CAMK2G: variants seen among roughly 807,000 people sequenced by gnomAD.
CAMK2G encodes calcium/calmodulin-dependent protein kinase type II subunit gamma.
Under a neutral mutation model 88.7 loss-of-function variants are expected in CAMK2G, and 23 were observed. The observed-to-expected ratio is 0.26, with a 90% CI of 0.19 to 0.37. The LOEUF is 0.37. CAMK2G is among the 10% of genes least tolerant of loss of function. CAMK2G has a pLI of 1.00. For missense variants in CAMK2G, 476 were observed against 780.8 expected (o/e 0.61, Z 4.65); for synonymous variants, 263 against 294.8 (o/e 0.89, Z 1.11).
At chr10:73,816,055 G>A in intron 21 of CAMK2G, 1 of 985,428 alleles carries the variant, frequency 1.0e-6, no homozygotes, top group East Asian at 1.1e-4. Context: ...AGCCAGCGGA[G>A]AAGTTAGTGA....
In CAMK2G at chr10:73,857,771, C is replaced by T. The variant is rs1384276764; in HGVS notation, c.220+3059G>A. On this transcript the variant is annotated intron_variant, in intron 3 of 22. Transcript: ENST00000423381. ...ACCTCAGACCTCACACCAGCGTCTC[C>T]TCCTCTCAACTCCCCACCACTGGCC... 2.6e-5 allele frequency among the ~76,000 whole-genome samples: 4 copies of T among 152,266 alleles called. No individual in the cohort carries two copies. In the East Asian group the frequency reaches 7.7e-4, roughly 29 times the overall value.
chr10:73,874,081 TG>T (rs2095979280), intron 1 of CAMK2G, among the ~76,000 whole-genome samples: 1 of 38,958 alleles, frequency 2.6e-5, no homozygotes, highest in African/African-American at 1.0e-4. Flanking sequence ...CGGGCAGCGT[TG>T]GGAGGTGGTC....
At chr10:73,865,431 C>T (rs1466167538) in intron 2 of CAMK2G, among the ~76,000 whole-genome samples, 3 of 152,210 alleles carry the variant, frequency 2.0e-5, no homozygotes. Context: ...CTACCTGCCC[C>T]GCTCTCCCCG....
chr10:73,855,030 G>A (rs569962153), intron 3 of CAMK2G, among the ~76,000 whole-genome samples: 39 of 152,052 alleles, frequency 2.6e-4, no homozygotes, highest in Admixed American at 9.2e-4. Context: ...TTCTCTCCTG[G>A]GCAAAGAAGA....
intron 14 of CAMK2G, among the ~76,000 whole-genome samples, chr10:73,832,309 C>CTTTT (rs61170350): frequency 1.3e-5 from 2 of 148,494 alleles, no homozygotes; most frequent in Non-Finnish European, 1.5e-5. Flanking sequence ...GTATGTACTC[C>CTTTT]TTTTTTTTTT....
chr10:73,825,189 G>A lies in CAMK2G; in HGVS notation c.1155+90C>T, dbSNP rs2090494023. Reference sequence around the variant, plus strand: ...TGGGGACCAAGAAAGGAACAGGCCAGGAGGCCAGGGAGGGGGCACAAGAGG... The same window carrying A: ...TGGGGACCAAGAAAGGAACAGGCCAAGAGGCCAGGGAGGGGGCACAAGAGG... On this transcript the variant is annotated intron_variant, in intron 16 of 22. Transcript: ENST00000423381. 2 of 904,238 alleles carry A rather than the reference G, an allele frequency of 2.2e-6. 1 individual carries two copies. The highest frequency in any genetic ancestry group is 2.6e-5 in the South Asian group (2 of 76,304). 56.0% of individuals were successfully genotyped at this position (904,238 alleles called of 1,614,324 possible).
At chr10:73,851,466 CAG>C (rs957329384) in intron 5 of CAMK2G, among the ~76,000 whole-genome samples, 2 of 152,130 alleles carry the variant, frequency 1.3e-5, no homozygotes, top group Non-Finnish European at 2.9e-5. Context: ...GACAAGGTGA[CAG>C]AGGCTGAAAG....
intron 1 of CAMK2G, 146 bp from the exon 2 acceptor site, chr10:73,873,229 A>G: frequency 1.0e-6 from 1 of 988,154 alleles, no homozygotes; most frequent in South Asian, 1.4e-5. Context: ...TGTGACCACC[A>G]CCATCCAACA....
At chr10:73,849,408 AGACTAAGGCATG>A in intron 5 of CAMK2G, 75 bp from the exon 6 acceptor site, 2 of 1,049,722 alleles carry the variant, frequency 1.9e-6, no homozygotes, top group Non-Finnish European at 2.9e-6. Context: ...CACATGCTGC[AGACTAAGGCATG>A]TGACAAGGGG....
At chr10:73,843,099 G>A (rs543556625) in intron 10 of CAMK2G, among the ~76,000 whole-genome samples, 2 of 149,974 alleles carry the variant, frequency 1.3e-5, no homozygotes, top group African/African-American at 4.9e-5. Context: ...TTGCAATGGA[G>A]TCTCGCTTTG....
chr10:73,817,758 C>G lies in CAMK2G; in HGVS notation c.1364-204G>C, dbSNP rs115939497. ...AGTCTGCAGAGACAATGACCACTTT[C>G]TCCTGAAGCCCAGCCATTAGTTATG... On this transcript the variant is annotated intron_variant, in intron 19 of 22. Coordinates refer to ENST00000423381, the MANE Select transcript of CAMK2G (RefSeq NM_001367534.1). The G allele has an allele frequency of 1.2e-3, 675 of 576,080 alleles. 1 individual carries two copies. The African/African-American group carries it at 0.012, about 10-fold the overall frequency. The allele number at this position is 576,080 out of a possible 1,614,324, so 35.7% of individuals were successfully genotyped here.
At chr10:73,873,171 A>C (rs1222038485) in intron 1 of CAMK2G, 88 bp from the exon 2 acceptor site, 7 of 1,022,434 alleles carry the variant, frequency 6.8e-6, no homozygotes, top group Non-Finnish European at 9.2e-6. Context: ...TGATGCTCCC[A>C]CCACCAGACC....
At chr10:73,852,592 T>C (rs2094711409) in intron 4 of CAMK2G, 1 of 461,818 alleles carries the variant, frequency 2.2e-6, no homozygotes, top group South Asian at 3.1e-5. Flanking sequence ...TACAGGGATC[T>C]AAGAGAAAAC....
intron 20 of CAMK2G, 84 bp from the exon 21 acceptor site, chr10:73,817,201 A>G (rs2085926581): frequency 1.3e-6 from 2 of 1,526,370 alleles, no homozygotes; most frequent in African/African-American, 2.8e-5. Context: ...TCTATCCAGT[A>G]GCAGCAGGCT....
In CAMK2G at chr10:73,839,521, AG is replaced by A. The variant is rs1418425871; in HGVS notation, c.1009+17del. ...AGGGGGCCGAGGCAGGCGGTCGGGG[AG>A]GACTCATGCCACGTACCTTGCCCGG... On this transcript the variant is annotated intron_variant, in intron 13 of 22. Coordinates refer to ENST00000423381, the MANE Select transcript of CAMK2G (RefSeq NM_001367534.1). The surrounding 1 kb of genome is among the most constrained non-coding windows in gnomAD (Gnocchi z 4.2). 3.7e-5 allele frequency: 45 copies of A among 1,229,882 alleles called. No individual in the cohort carries two copies. Among genetic ancestry groups the A allele is most frequent in the Admixed American group, 8.4e-5 (2 of 23,684 alleles). 76.2% of individuals were successfully genotyped at this position (1,229,882 alleles called of 1,614,324 possible). A position where few individuals can be genotyped will look rare whatever the true frequency, so the allele number is the denominator to read the frequency against.
intron 12 of CAMK2G, chr10:73,841,730 T>C (rs1306006403): frequency 4.7e-5 from 8 of 170,234 alleles, no homozygotes; most frequent in Non-Finnish European, 1.0e-4. Context: ...TCATCTCCAC[T>C]TGGACAAAAT....
intron 14 of CAMK2G, among the ~76,000 whole-genome samples, chr10:73,832,309 CTTT>C (rs61170350): frequency 5.4e-5 from 8 of 148,494 alleles, no homozygotes; most frequent in Non-Finnish European, 1.0e-4. Flanking sequence ...GTATGTACTC[CTTT>C]TTTTTTTTAT....
rs994514423 is a variant in CAMK2G, at chr10:73,825,298, G to A, written c.1136C>T (p.Ala379Val). ...AGGTACCATGGCCGTCTGCAAGGGC[G>A]CGGGCTCTTGGGCTGGGCTTACGAG... ...NSLVSPAQEP[A>V]PLQTAMEPQT... The change falls in exon 16 of 23, where the codon GCG (alanine) becomes GTG (valine). Residue 379 changes from alanine (A) to valine (V), a missense_variant. This residue lies in a region of CAMK2G where 278 missense variants were observed against 366.5 expected (regional missense o/e 0.76). Coordinates refer to ENST00000423381, the MANE Select transcript of CAMK2G (RefSeq NM_001367534.1). 5 of 1,613,286 alleles carry A rather than the reference G, an allele frequency of 3.1e-6. No homozygotes were observed. Among genetic ancestry groups the A allele is most frequent in the East Asian group, 4.5e-5 (2 of 44,886 alleles).
At position 73,874,508 on chromosome 10, in the gene CAMK2G, TGCACAGTCACCGCCGCCCG is replaced by T; in HGVS notation, c.-66_-48del. 7.4e-7 allele frequency: 1 copy of T among 1,355,692 alleles called. No individual in the cohort carries two copies. The highest frequency in any genetic ancestry group is 9.8e-7 in the Non-Finnish European group (1 of 1,021,396). The allele number at this position is 1,355,692 out of a possible 1,614,324, so 84.0% of individuals were successfully genotyped here. A position where few individuals can be genotyped will look rare whatever the true frequency, so the allele number is the denominator to read the frequency against. Reference sequence around the variant, plus strand: ...GCGGTGCAGCCCGCGCCGACGTCGGTGCACAGTCACCGCCGCCCGGCCGAGGGAGCAAGAGGAGGAGACG... The same window carrying T: ...GCGGTGCAGCCCGCGCCGACGTCGGTGCCGAGGGAGCAAGAGGAGGAGACG... On this transcript the variant is annotated 5_prime_UTR_variant, in exon 1 of 23. Coordinates refer to ENST00000423381, the MANE Select transcript of CAMK2G (RefSeq NM_001367534.1).
Sources: allele counts gnomAD v4.1 joint callset (sites outside exome capture counted in the v4.1 genomes callset), GRCh38; gene constraint gnomAD v4.1.1; regional missense constraint gnomAD v4.1.1; non-coding constraint Gnocchi (gnomAD v3.1); transcripts MANE v1.5; gene names NCBI Gene and HGNC (gene_info 2026-07-23, HGNC 2026-07-21).